Variants in GPR89B observed in about 807,000 individuals in gnomAD.
The protein encoded by GPR89B is G protein-coupled receptor 89B.
GPR89B carries 25 observed loss-of-function variants against 52.4 expected under a neutral mutation model. That is an observed-to-expected ratio of 0.48 (90% CI 0.35 to 0.67). The LOEUF (loss-of-function observed/expected upper bound fraction) is 0.67. GPR89B is among the 30% of genes least tolerant of loss of function. GPR89B has a pLI of 0.01. For synonymous variants in GPR89B, 52 were observed against 151.2 expected, an observed-to-expected ratio of 0.34 and a Z score of 4.81; for missense variants, 146 against 450.2, an observed-to-expected ratio of 0.32 and a Z score of 6.11.
At chr1:147,934,772 G>A (rs1221454591) in intron 1 of GPR89B, among the ~76,000 whole-genome samples, 3 of 151,820 alleles carry the variant, frequency 2.0e-5, no homozygotes, top group Admixed American at 1.3e-4. Context: ...TTTATGTACT[G>A]TCTTCACTAT....
chr1:147,991,169 T>G (rs1187268565), intron 12 of GPR89B, among the ~76,000 whole-genome samples: 1 of 151,348 alleles, frequency 6.6e-6, no homozygotes, highest in Non-Finnish European at 1.5e-5. Flanking sequence ...TTCACATCCC[T>G]TGTAAATTGG....
chr1:147,981,086 G>A (rs1466736254), intron 10 of GPR89B, among the ~76,000 whole-genome samples: 36 of 151,402 alleles, frequency 2.4e-4, no homozygotes, highest in Middle Eastern at 3.4e-3. Context: ...TCATAGAGAC[G>A]AGTCTCACTA....
intron 2 of GPR89B, among the ~76,000 whole-genome samples, chr1:147,937,346 A>G (rs1654175853): frequency 6.6e-6 from 1 of 152,158 alleles, no homozygotes; most frequent in Non-Finnish European, 1.5e-5. Flanking sequence ...AGAGGCAAAA[A>G]TTAGAATTAC....
rs368374809 is a variant in GPR89B at position 147,936,629 on chromosome 1, A to T, written c.45A>T (p.Ile15=). 3.1e-6 allele frequency: 5 copies of T among 1,610,508 alleles called. No homozygotes were observed. The highest frequency in any genetic ancestry group is 4.2e-6 in the Non-Finnish European group (5 of 1,177,226). The stretch of plus-strand genomic sequence containing the variant: ...ATTCTATCTTCTTTCTCCTCCAGAT[A>T]CTATTTTTTGGATTTGGGTGGCTTT... The part of the protein sequence containing the change: ...IDSSIMITSQ[I]LFFGFGWLFF... Residue 15 remains isoleucine (I), a splice_region_variant and synonymous_variant, in exon 2 of 14, where the codon ATA becomes ATT. Coordinates refer to ENST00000314163, the MANE Select transcript of GPR89B (RefSeq NM_016334.5).
chr1:148,012,665 AG>A, the GPR89B span, among the ~76,000 whole-genome samples: 2 of 151,958 alleles, frequency 1.3e-5, no homozygotes, highest in African/African-American at 4.9e-5. Flanking sequence ...AAGACAAAAG[AG>A]GAGAGGAAAG....
intron 1 of GPR89B, among the ~76,000 whole-genome samples, chr1:147,930,120 TC>T (rs1184631469): frequency 2.0e-5 from 3 of 152,202 alleles, no homozygotes; most frequent in Non-Finnish European, 4.4e-5. Flanking sequence ...GAAGTGGCTT[TC>T]TAATTTTGTA....
chr1:148,004,948 G>T, the GPR89B span, among the ~76,000 whole-genome samples: 1 of 115,078 alleles, frequency 8.7e-6, no homozygotes, highest in Non-Finnish European at 1.9e-5. Context: ...AGGTGCGGTG[G>T]TGCACACCTG....
At chr1:147,995,701 T>C, downstream of GPR89B, 2 of 1,608,638 alleles carry the variant, frequency 1.2e-6, no homozygotes, top group Non-Finnish European at 1.7e-6. Context: ...CAATAGGGAT[T>C]TTCTTAGCTT....
At chr1:148,016,403 G>A in the GPR89B span, among the ~76,000 whole-genome samples, 2 of 93,484 alleles carry the variant, frequency 2.1e-5, no homozygotes, top group East Asian at 5.6e-4. Flanking sequence ...GCTCCCAGTG[G>A]GGGCCGGCGA....
chr1:147,979,964 T>C (rs1658115630), intron 10 of GPR89B, among the ~76,000 whole-genome samples: 1 of 151,378 alleles, frequency 6.6e-6, no homozygotes, highest in Non-Finnish European at 1.5e-5. Context: ...GGCATGCCTG[T>C]GTTCCCAGCT....
intron 7 of GPR89B, among the ~76,000 whole-genome samples, chr1:147,961,463 A>G (rs1656559251): frequency 6.6e-6 from 1 of 152,294 alleles, no homozygotes; most frequent in Admixed American, 6.5e-5. Flanking sequence ...ATGGGAAAAA[A>G]AAAAGTAATG....
the GPR89B span, among the ~76,000 whole-genome samples, chr1:148,007,535 C>T: frequency 2.3e-3 from 344 of 149,734 alleles, 1 homozygote; most frequent in African/African-American, 8.0e-3. Flanking sequence ...TATTTCAAAT[C>T]TTCTTACAGC....
At chr1:147,984,946 G>A (rs1371089763) in intron 10 of GPR89B, among the ~76,000 whole-genome samples, 16 of 152,256 alleles carry the variant, frequency 1.1e-4, no homozygotes, top group Non-Finnish European at 1.5e-4. Flanking sequence ...TTACCTGTAT[G>A]TGAGTAGAAT....
the GPR89B span, among the ~76,000 whole-genome samples, chr1:148,003,370 T>C: frequency 7.9e-5 from 12 of 151,988 alleles, no homozygotes; most frequent in Non-Finnish European, 1.8e-4. Flanking sequence ...CGGTGTGCTA[T>C]ACTGGCTCAC....
At chr1:148,010,727 A>T in the GPR89B span, 2 of 152,256 alleles carry the variant, frequency 1.3e-5, no homozygotes, top group Admixed American at 1.3e-4. Context: ...AGGAAATGAA[A>T]TTTCCAGAGG....
At chr1:147,951,563 A>G (rs1198028641) in intron 5 of GPR89B, among the ~76,000 whole-genome samples, 16 of 151,968 alleles carry the variant, frequency 1.1e-4, no homozygotes, top group African/African-American at 3.6e-4. Context: ...AGAAAAGAGA[A>G]TTGAAACTAA....
chr1:147,983,022 G>A (rs1199913636), intron 10 of GPR89B, among the ~76,000 whole-genome samples: 6 of 152,018 alleles, frequency 3.9e-5, no homozygotes, highest in Non-Finnish European at 7.4e-5. Context: ...AAATCACGCC[G>A]CATATCTACA....
the GPR89B span, chr1:148,014,410 T>A: frequency 2.0e-5 from 3 of 151,302 alleles, no homozygotes; most frequent in Non-Finnish European, 4.4e-5. Flanking sequence ...AGCCAAGGCA[T>A]GTCAGGAGAG....
At chr1:148,021,450 C>T in the GPR89B span, among the ~76,000 whole-genome samples, 3 of 151,826 alleles carry the variant, frequency 2.0e-5, no homozygotes, top group African/African-American at 7.3e-5. Flanking sequence ...TGCAGTGAGC[C>T]GAGATCGCGC....
Sources: gnomAD v4.1 joint callset for allele counts (sites outside exome capture counted in the v4.1 genomes callset) on GRCh38, gnomAD v4.1.1 for gene constraint, MANE v1.5 for transcripts, NCBI Gene and HGNC (gene_info 2026-07-23, HGNC 2026-07-21) for gene names.